KCNQ1: variants seen among roughly 807,000 people sequenced by gnomAD.
KCNQ1 encodes potassium voltage-gated channel subfamily Q member 1, also known as potassium voltage-gated channel subfamily KQT member 1.
In KCNQ1, 49 loss-of-function variants were observed where a neutral mutation model predicts 72.4. That is an observed-to-expected ratio of 0.68 (90% CI 0.54 to 0.86). The LOEUF (loss-of-function observed/expected upper bound fraction) is 0.86. Among genes scored for constraint, KCNQ1 ranks in the 40% least tolerant of loss-of-function variants. The pLI is 0.00. For synonymous variants in KCNQ1, 450 were observed against 412.6 expected, an observed-to-expected ratio of 1.09 and a Z score of -1.10; for missense variants, 790 against 945.1, an observed-to-expected ratio of 0.84 and a Z score of 2.15.
At position 2,640,114 on chromosome 11, in the gene KCNQ1, C is replaced by T. The variant is rs886955314; in HGVS notation, c.1394-21847C>T. 62 of 297,950 alleles carry T rather than the reference C, an allele frequency of 2.1e-4. 1 individual carries two copies. The highest frequency in any genetic ancestry group is 9.1e-4 in the Middle Eastern group (1 of 1,098). The allele number at this position is 297,950 out of a possible 1,614,324, so 18.5% of individuals were successfully genotyped here. On this transcript the variant is annotated intron_variant, in intron 10 of 15. Coordinates refer to ENST00000155840, the MANE Select transcript of KCNQ1 (RefSeq NM_000218.3). ...TCCAGGTGCCGTCTGTCACCCCTTC[C>T]GTTGGCTAGGAAAGGGAATTCCCTG...
rs1296798305 is a variant in KCNQ1, at chr11:2,762,795, C to T, written c.1515-6049C>T. On this transcript the variant is annotated intron_variant, in intron 11 of 15. Coordinates refer to ENST00000155840, the MANE Select transcript of KCNQ1 (RefSeq NM_000218.3). This position sits in a 1 kb window ranked among gnomAD's most constrained non-coding sequence, Gnocchi z 4.3. ...GAACTGGAACAGTTTCATCCTGAAACCATCTCCCCCCACCCCACCCCGTCC... is the reference window on the plus strand; with the variant it reads ...GAACTGGAACAGTTTCATCCTGAAATCATCTCCCCCCACCCCACCCCGTCC... Among the ~76,000 whole-genome samples the T allele has an allele frequency of 6.6e-6, 1 of 152,196 alleles. No homozygotes were observed. Among genetic ancestry groups the T allele is most frequent in the Non-Finnish European group, 1.5e-5 (1 of 68,034 alleles).
intron 11 of KCNQ1, among the ~76,000 whole-genome samples, chr11:2,753,929 A>T (rs1449479636): frequency 6.6e-6 from 1 of 152,188 alleles, no homozygotes; most frequent in African/African-American, 2.4e-5. Context: ...CTGATAAGGG[A>T]TGTGTATCCA....
Position 2,848,205 on chromosome 11 carries a change from G to A in KCNQ1, c.*202G>A. 1 of 680,246 alleles carries A rather than the reference G, an allele frequency of 1.5e-6. No homozygotes were observed. The highest frequency in any genetic ancestry group is 2.6e-6 in the Non-Finnish European group (1 of 379,830). The allele number at this position is 680,246 out of a possible 1,614,324, so 42.1% of individuals were successfully genotyped here. A position where few individuals can be genotyped will look rare whatever the true frequency, so the allele number is the denominator to read the frequency against. ...GCAAGGCCACCTCTTCCTGGCCGGT[G>A]TGGGGGCCCCGTCTCAGGTCTGAGT... On this transcript the variant is annotated 3_prime_UTR_variant, in exon 16 of 16. Coordinates refer to ENST00000155840, the MANE Select transcript of KCNQ1 (RefSeq NM_000218.3).
chr11:2,506,815 T>C (rs1417274701), intron 1 of KCNQ1, among the ~76,000 whole-genome samples: 2 of 152,244 alleles, frequency 1.3e-5, no homozygotes, highest in Non-Finnish European at 2.9e-5. Flanking sequence ...TGTATTTCTG[T>C]AATTACATTG....
chr11:2,542,867 T>G (rs1352309207), intron 2 of KCNQ1, among the ~76,000 whole-genome samples: 2 of 152,210 alleles, frequency 1.3e-5, no homozygotes, highest in African/African-American at 4.8e-5. Flanking sequence ...ATAAAAGTGT[T>G]TGTAGGGACT....
At position 2,537,634 on chromosome 11, in the gene KCNQ1, C is replaced by G. The variant is rs1307782284; in HGVS notation, c.477+9616C>G. ...CCTCTGCCAGGTCAGCAGTGGCTTT[C>G]ATCTTCTGCCATTTGCTCTGCACGT... On this transcript the variant is annotated intron_variant, in intron 2 of 15. Transcript: ENST00000155840. This position sits in a 1 kb window ranked among gnomAD's most constrained non-coding sequence, Gnocchi z 5.2. Among the ~76,000 whole-genome samples, 1 of 152,056 alleles carries G rather than the reference C, an allele frequency of 6.6e-6. No individual in the cohort carries two copies. The highest frequency in any genetic ancestry group is 1.9e-4 in the East Asian group (1 of 5,190).
At chr11:2,561,740 G>A (rs1177232181) in intron 2 of KCNQ1, among the ~76,000 whole-genome samples, 1 of 152,316 alleles carries the variant, frequency 6.6e-6, no homozygotes, top group South Asian at 2.1e-4. Context: ...CCAAGGTAGC[G>A]GGTCCCCCCA....
Position 2,827,164 on chromosome 11 carries a change from C to T in KCNQ1, c.1795-20603C>T, listed in dbSNP as rs145952786. Among the ~76,000 whole-genome samples, 71 of 152,258 alleles carry T rather than the reference C, an allele frequency of 4.7e-4. No individual in the cohort carries two copies. Among genetic ancestry groups the T allele is most frequent in the East Asian group, 2.3e-3 (12 of 5,192 alleles). Reference sequence around the variant, plus strand: ...GTCCCCCAGGTAGGAGATAAGGGACCAGAGTCAGGGCAGGTGGGAGAAGGG... The same window carrying T: ...GTCCCCCAGGTAGGAGATAAGGGACTAGAGTCAGGGCAGGTGGGAGAAGGG... On this transcript the variant is annotated intron_variant, in intron 15 of 15. Transcript: ENST00000155840. This position sits in a 1 kb window ranked among gnomAD's most constrained non-coding sequence, Gnocchi z 6.7.
chr11:2,553,171 T>G (rs560567823), intron 2 of KCNQ1, among the ~76,000 whole-genome samples: 3 of 143,162 alleles, frequency 2.1e-5, no homozygotes, highest in South Asian at 2.3e-4. Flanking sequence ...TGTTTTTTTT[T>G]TTTTTGTTTT....
chr11:2,679,789 T>C lies in KCNQ1; in HGVS notation c.1514+17708T>C. On this transcript the variant is annotated intron_variant, in intron 11 of 15. Coordinates refer to ENST00000155840, the MANE Select transcript of KCNQ1 (RefSeq NM_000218.3). This position sits in a 1 kb window ranked among gnomAD's most constrained non-coding sequence, Gnocchi z 4.8. ...TGCACACTAGGGCCTGTTAGGCCAG[T>C]TGAGGGCTAGAGGAGCACAAGGGGC... The C allele has an allele frequency of 7.5e-6, 3 of 398,620 alleles. No homozygotes were observed. Among genetic ancestry groups the C allele is most frequent in the East Asian group, 3.6e-5 (1 of 28,080 alleles). The allele number at this position is 398,620 out of a possible 1,614,324, so 24.7% of individuals were successfully genotyped here. A position where few individuals can be genotyped will look rare whatever the true frequency, so the allele number is the denominator to read the frequency against.
At chr11:2,718,777 TGCCAG>T (rs1442789424) in intron 11 of KCNQ1, among the ~76,000 whole-genome samples, 4 of 152,318 alleles carry the variant, frequency 2.6e-5, no homozygotes, top group African/African-American at 4.8e-5. Flanking sequence ...GACCCTGCTG[TGCCAG>T]GCACTCCCAT....
At chr11:2,518,785 T>G (rs891742660) in intron 1 of KCNQ1, among the ~76,000 whole-genome samples, 2 of 152,154 alleles carry the variant, frequency 1.3e-5, no homozygotes, top group African/African-American at 4.8e-5. Context: ...TTTCAAGAAC[T>G]TTTTAAAGAA....
chr11:2,788,513 G>GCCTCTCCTCGGCAGCTCCC (rs1846955217), intron 15 of KCNQ1, among the ~76,000 whole-genome samples: 1 of 151,984 alleles, frequency 6.6e-6, no homozygotes, highest in Non-Finnish European at 1.5e-5. Flanking sequence ...CCCCAGACCT[G>GCCTCTCCTCGGCAGCTCCC]CCTCTCCTCG....
At position 2,564,978 on chromosome 11, in the gene KCNQ1, G is replaced by C. The variant is rs924842663; in HGVS notation, c.478-5650G>C. ...GGGAGGGACCACATCTTCCGTCTCC[G>C]TCGGTGCACTGAGGGACACTGGGCT... On this transcript the variant is annotated intron_variant, in intron 2 of 15. Coordinates refer to ENST00000155840, the MANE Select transcript of KCNQ1 (RefSeq NM_000218.3). The surrounding 1 kb of genome is among the most constrained non-coding windows in gnomAD (Gnocchi z 4.5). Among the ~76,000 whole-genome samples the C allele has an allele frequency of 6.6e-6, 1 of 152,158 alleles. No homozygotes were observed. The highest frequency in any genetic ancestry group is 1.5e-5 in the Non-Finnish European group (1 of 68,026).
rs1219379264 is a variant in KCNQ1 at position 2,746,777 on chromosome 11, C to A, written c.1515-22067C>A. ...TTCAACTGTGATTTGTTCTTTTCCC[C>A]CTTTGCAGACTGTCCTTGGACCCGC... is the stretch of plus-strand genomic sequence containing the variant. On this transcript the variant is annotated intron_variant, in intron 11 of 15. Coordinates refer to ENST00000155840, the MANE Select transcript of KCNQ1 (RefSeq NM_000218.3). The surrounding 1 kb of genome is among the most constrained non-coding windows in gnomAD (Gnocchi z 5.9). 1.3e-5 allele frequency among the ~76,000 whole-genome samples: 2 copies of A among 152,252 alleles called. No individual in the cohort carries two copies. The highest frequency in any genetic ancestry group is 3.8e-4 in the East Asian group (2 of 5,198).
rs547982653 is a variant in KCNQ1 at position 2,847,747 on chromosome 11, G to C, written c.1795-20G>C. Reference sequence around the variant, plus strand: ...GGTGCTTCCCACCACTGACTCTCTCGTCTGCCTTTGTCCCCGCAGGTGACG... The same window carrying C: ...GGTGCTTCCCACCACTGACTCTCTCCTCTGCCTTTGTCCCCGCAGGTGACG... On this transcript the variant is annotated intron_variant, in intron 15 of 15. Coordinates refer to ENST00000155840, the MANE Select transcript of KCNQ1 (RefSeq NM_000218.3). 6.4e-7 allele frequency: 1 copy of C among 1,568,586 alleles called. No homozygotes were observed. The highest frequency in any genetic ancestry group is 1.4e-5 in the African/African-American group (1 of 73,990).
rs1397048258 is a variant in KCNQ1 at position 2,620,685 on chromosome 11, T to C, written c.1393+31831T>C. On this transcript the variant is annotated intron_variant, in intron 10 of 15. Transcript: ENST00000155840. This position sits in a 1 kb window ranked among gnomAD's most constrained non-coding sequence, Gnocchi z 4.5. ...TGTGTCTTTTTGATAGAACAATTTA[T>C]TTTCCTTTGAATATATATCCAGTAA... The C allele has an allele frequency of 2.5e-6, 1 of 398,484 alleles. No homozygotes were observed. The highest frequency in any genetic ancestry group is 4.4e-6 in the Non-Finnish European group (1 of 226,068). 24.7% of individuals were successfully genotyped at this position (398,484 alleles called of 1,614,324 possible).
At position 2,549,689 on chromosome 11, in the gene KCNQ1, G is replaced by A. The variant is rs1420829517; in HGVS notation, c.478-20939G>A. ...GGGGTGGGAACAAGAGGCGTTTTGTGTTCTGCATGGGTGGCCCTGGGCTCC... is the reference window on the plus strand; with the variant it reads ...GGGGTGGGAACAAGAGGCGTTTTGTATTCTGCATGGGTGGCCCTGGGCTCC... On this transcript the variant is annotated intron_variant, in intron 2 of 15. Transcript: ENST00000155840. The surrounding 1 kb of genome is among the most constrained non-coding windows in gnomAD (Gnocchi z 6.2). Among the ~76,000 whole-genome samples the A allele has an allele frequency of 6.6e-6, 1 of 152,096 alleles. No homozygotes were observed. The highest frequency in any genetic ancestry group is 1.5e-5 in the Non-Finnish European group (1 of 67,994).
At chr11:2,539,335 C>G (rs376774548) in intron 2 of KCNQ1, among the ~76,000 whole-genome samples, 1 of 152,190 alleles carries the variant, frequency 6.6e-6, no homozygotes, top group African/African-American at 2.4e-5. Context: ...GGGGCCCTGT[C>G]GGCTGGTTCC....
Sources: gnomAD v4.1 joint callset for allele counts (sites outside exome capture counted in the v4.1 genomes callset) on GRCh38, gnomAD v4.1.1 for gene constraint, Gnocchi (gnomAD v3.1) non-coding constraint, MANE v1.5 for transcripts, NCBI Gene and HGNC (gene_info 2026-07-23, HGNC 2026-07-21) for gene names.